The following MLLT10 variants were observed in gnomAD, a reference collection of about 807,000 sequenced individuals.
MLLT10 encodes protein AF-10.
Under a neutral mutation model 129.1 loss-of-function variants are expected in MLLT10, and 30 were observed. That is an observed-to-expected ratio of 0.23 (90% confidence interval 0.17 to 0.32). MLLT10 has a LOEUF of 0.32. Among genes scored for constraint, MLLT10 ranks in the 10% least tolerant of loss-of-function variants. The pLI, the probability that MLLT10 is intolerant of heterozygous loss-of-function variation, is 1.00. For missense variants in MLLT10, 1,119 were observed against 1,268.3 expected, an observed-to-expected ratio of 0.88 and a Z score of 1.79; for synonymous variants, 490 against 446.4, an observed-to-expected ratio of 1.10 and a Z score of -1.23.
intron 3 of MLLT10, among the ~76,000 whole-genome samples, chr10:21,552,816 C>T (rs546648440): frequency 4.0e-5 from 6 of 151,626 alleles, no homozygotes; most frequent in African/African-American, 1.5e-4. Context: ...TTTCCGTCTC[C>T]TCTTTCTCCT....
At chr10:21,687,639 A>C (rs1395159946) in intron 13 of MLLT10, among the ~76,000 whole-genome samples, 1 of 152,248 alleles carries the variant, frequency 6.6e-6, no homozygotes, top group Non-Finnish European at 1.5e-5. Context: ...CAAACTGTGA[A>C]TCACTTGGTA....
chr10:21,555,541 T>C (rs1399610211), intron 3 of MLLT10, among the ~76,000 whole-genome samples: 1 of 152,016 alleles, frequency 6.6e-6, no homozygotes. Context: ...AATTGGAGGT[T>C]TTTGTTTTGT....
chr10:21,742,492 T>C lies in MLLT10; in HGVS notation c.*509T>C. 1 of 215,292 alleles carries C rather than the reference T, an allele frequency of 4.6e-6. No homozygotes were observed. 13.3% of individuals were successfully genotyped at this position (215,292 alleles called of 1,614,324 possible). A position where few individuals can be genotyped will look rare whatever the true frequency, so the allele number is the denominator to read the frequency against. ...TTGCATTGATTCAGTATTACAAATATATAGCACATCACCTGGGACTTGGCA... is the reference window on the plus strand; with the variant it reads ...TTGCATTGATTCAGTATTACAAATACATAGCACATCACCTGGGACTTGGCA... On this transcript the variant is annotated 3_prime_UTR_variant, in exon 23 of 23. Coordinates refer to ENST00000307729, the MANE Select transcript of MLLT10 (RefSeq NM_001195626.3).
At chr10:21,534,096 T>G (rs1477882392), upstream of MLLT10, 3 of 230,538 alleles carry the variant, frequency 1.3e-5, no homozygotes, top group Non-Finnish European at 2.5e-5. Context: ...CCAGCACACC[T>G]CGGCGGCGGC....
intron 7 of MLLT10, among the ~76,000 whole-genome samples, chr10:21,616,365 T>C (rs768814868): frequency 4.5e-4 from 69 of 152,110 alleles, no homozygotes; most frequent in Non-Finnish European, 7.8e-4. Flanking sequence ...TTTAATAAGA[T>C]TGTATAATCT....
intron 8 of MLLT10, among the ~76,000 whole-genome samples, chr10:21,631,671 T>C (rs1041262069): frequency 1.3e-5 from 2 of 151,622 alleles, no homozygotes; most frequent in Non-Finnish European, 2.9e-5. Context: ...AGAGAGAAAA[T>C]GAAGAGGGAA....
intron 5 of MLLT10, among the ~76,000 whole-genome samples, chr10:21,610,984 CTTTTTTTTT>C (rs71393913): frequency 3.9e-5 from 4 of 102,872 alleles, no homozygotes; most frequent in South Asian, 3.6e-4. Flanking sequence ...TCTTTTTTCT[CTTTTTTTTT>C]TTTTTTTTTT....
chr10:21,558,598 C>T (rs1180260620), intron 3 of MLLT10, among the ~76,000 whole-genome samples: 3 of 151,546 alleles, frequency 2.0e-5, no homozygotes, highest in Admixed American at 6.6e-5. Flanking sequence ...GTTGCCCAGG[C>T]TGGTCTTGAA....
chr10:21,673,958 C>T, intron 11 of MLLT10, 39 bp downstream of exon 11: 1 of 1,457,048 alleles, frequency 6.9e-7, no homozygotes, highest in Non-Finnish European at 9.2e-7. Context: ...CCTTCACTCC[C>T]ACCACCTCCC....
intron 9 of MLLT10, among the ~76,000 whole-genome samples, chr10:21,669,406 C>T (rs976553313): frequency 6.6e-6 from 1 of 152,028 alleles, no homozygotes; most frequent in Admixed American, 6.6e-5. Context: ...TCATATTCAT[C>T]TGATTGTTTG....
chr10:21,554,547 G>A (rs534854267), intron 3 of MLLT10, among the ~76,000 whole-genome samples: 2 of 151,008 alleles, frequency 1.3e-5, no homozygotes, highest in African/African-American at 4.9e-5. Context: ...TCCGCCTTCC[G>A]GGTTCAAGTG....
chr10:21,550,891 T>TTAAAAATTATGTGAAAAC (rs2036887097), intron 3 of MLLT10, among the ~76,000 whole-genome samples: 1 of 150,514 alleles, frequency 6.6e-6, no homozygotes, highest in Non-Finnish European at 1.5e-5. Context: ...TTTATTCACA[T>TTAAAAATTATGTGAAAAC]AATTAAAAAT....
chr10:21,552,788 A>G (rs2037299082), intron 3 of MLLT10, among the ~76,000 whole-genome samples: 1 of 150,304 alleles, frequency 6.7e-6, no homozygotes, highest in African/African-American at 2.5e-5. Context: ...TTTTCTGTTT[A>G]TTTTCTTCTT....
intron 3 of MLLT10, among the ~76,000 whole-genome samples, chr10:21,574,819 A>T (rs1019123946): frequency 6.6e-6 from 1 of 152,196 alleles, no homozygotes; most frequent in African/African-American, 2.4e-5. Context: ...GGACGACCAG[A>T]GGTCAGTTTT....
intron 11 of MLLT10, among the ~76,000 whole-genome samples, chr10:21,677,389 T>C (rs554127843): frequency 2.2e-4 from 34 of 152,348 alleles, no homozygotes; most frequent in African/African-American, 7.7e-4. Context: ...ACAGTCATCC[T>C]TTGGCATCCA....
intron 9 of MLLT10, among the ~76,000 whole-genome samples, chr10:21,657,237 C>T (rs1482852682): frequency 1.3e-5 from 2 of 151,600 alleles, no homozygotes; most frequent in East Asian, 3.9e-4. Flanking sequence ...ACTAAAAATA[C>T]AAAAAATTAG....
At chr10:21,666,432 G>A (rs1411355223) in intron 9 of MLLT10, among the ~76,000 whole-genome samples, 1 of 152,012 alleles carries the variant, frequency 6.6e-6, no homozygotes, top group African/African-American at 2.4e-5. Flanking sequence ...TTGGGAGGCC[G>A]AAGCGGGTGG....
chr10:21,609,761 G>C (rs1286000302), intron 5 of MLLT10, among the ~76,000 whole-genome samples: 2 of 152,060 alleles, frequency 1.3e-5, no homozygotes. Context: ...AAATTGTAGT[G>C]AGTACACTGG....
intron 13 of MLLT10, among the ~76,000 whole-genome samples, chr10:21,691,617 C>A (rs1377177234): frequency 1.3e-5 from 2 of 151,906 alleles, no homozygotes; most frequent in Non-Finnish European, 1.5e-5. Context: ...CAGATTAGGT[C>A]TTTTATGGAA....
Sources: gnomAD v4.1 joint callset for allele counts (sites outside exome capture counted in the v4.1 genomes callset) on GRCh38, gnomAD v4.1.1 for gene constraint, MANE v1.5 for transcripts, NCBI Gene and HGNC (gene_info 2026-07-23, HGNC 2026-07-21) for gene names.